Variants in C2CD3 observed in about 807,000 individuals in gnomAD.
C2CD3 encodes C2 domain-containing protein 3.
A neutral mutation model predicts 234.0 loss-of-function variants in C2CD3; 148 were observed. That is an observed-to-expected ratio of 0.63 (90% CI 0.55 to 0.72). C2CD3 has a LOEUF of 0.72. Among genes scored for constraint, C2CD3 ranks in the 30% least tolerant of loss-of-function variants. C2CD3 has a pLI of 0.00. For synonymous variants in C2CD3, 1,000 were observed against 1,035.4 expected (o/e 0.97, Z 0.66); for missense variants, 2,577 against 2,811.5 (o/e 0.92, Z 1.89).
chr11:74,152,252 A>G (rs1257509068), intron 3 of C2CD3, among the ~76,000 whole-genome samples: 1 of 152,246 alleles, frequency 6.6e-6, no homozygotes, highest in Non-Finnish European at 1.5e-5. Context: ...TTAAAGACAG[A>G]AAAGGGATGT....
Position 74,057,469 on chromosome 11 carries a change from G to GT in C2CD3, c.5026_5027insA (p.Pro1676HisfsTer8). On this transcript the variant is annotated frameshift_variant, in exon 25 of 33. Transcript: ENST00000334126. LOFTEE classifies it high-confidence loss of function. The stretch of plus-strand genomic sequence containing the variant: ...GTTTTCAACCACTTGGGTGTATACA[G>GT]GAGATGACTCATCGGCTGTTGCAAA... 1 of 1,614,142 alleles carries GT rather than the reference G, an allele frequency of 6.2e-7. No homozygotes were observed. The highest frequency in any genetic ancestry group is 8.5e-7 in the Non-Finnish European group (1 of 1,179,964).
At chr11:74,100,407 G>GGAAAAAAAA in intron 15 of C2CD3, 118 bp downstream of exon 15, 1 of 938,790 alleles carries the variant, frequency 1.1e-6, no homozygotes, top group Non-Finnish European at 1.6e-6. Flanking sequence ...GTTGAAACTG[G>GGAAAAAAAA]AAAAAGTCCT....
intron 3 of C2CD3, among the ~76,000 whole-genome samples, chr11:74,141,342 A>C (rs7110734): frequency 0.28 from 43,082 of 152,114 alleles, 7,115 homozygotes; most frequent in African/African-American, 0.46. Context: ...GATGAATACT[A>C]TGTGCAGTGA....
intron 29 of C2CD3, among the ~76,000 whole-genome samples, chr11:74,041,488 C>T (rs1186086533): frequency 6.6e-6 from 1 of 152,108 alleles, no homozygotes; most frequent in African/African-American, 2.4e-5. Flanking sequence ...TCTTACTACC[C>T]TGCATTATAA....
chr11:74,113,742 A>G (rs200167637), intron 11 of C2CD3, 38 bp downstream of exon 11: 3 of 1,199,900 alleles, frequency 2.5e-6, no homozygotes, highest in East Asian at 4.6e-5. Context: ...TTCCAAAGTC[A>G]GAATGTCTAA....
At chr11:74,153,076 A>G (rs1855770213) in intron 3 of C2CD3, among the ~76,000 whole-genome samples, 1 of 152,054 alleles carries the variant, frequency 6.6e-6, no homozygotes, top group African/African-American at 2.4e-5. Context: ...AAATTTTAAA[A>G]AACAGTTAGC....
At chr11:74,092,301 C>T (rs1161619642) in intron 19 of C2CD3, 115 bp downstream of exon 19, 9 of 874,924 alleles carry the variant, frequency 1.0e-5, no homozygotes, top group African/African-American at 5.2e-5. Context: ...GTGATCCACC[C>T]GCCTTGGCTT....
At position 74,049,447 on chromosome 11, in the gene C2CD3, T is replaced by C. The variant is rs368811322; in HGVS notation, c.5251A>G (p.Ser1751Gly). ...VCGWYNITDF[S>G]GECQGQIKVA... The stretch of plus-strand genomic sequence containing the variant: ...TTTATCTGCCCCTGGCACTCTCCAC[T>C]GAAGTCTGTGATGTTGTACCAGCCA... Residue 1751 changes from serine (S) to glycine (G), a missense_variant, in exon 27 of 33, where the codon AGT (serine) becomes GGT (glycine). Transcript: ENST00000334126. 1.2e-6 allele frequency: 2 copies of C among 1,613,776 alleles called. No homozygotes were observed. Among genetic ancestry groups the C allele is most frequent in the Non-Finnish European group, 1.7e-6 (2 of 1,179,974 alleles).
chr11:74,110,011 G>C (rs1956686732), intron 11 of C2CD3, among the ~76,000 whole-genome samples: 1 of 146,642 alleles, frequency 6.8e-6, no homozygotes, highest in Admixed American at 6.6e-5. Context: ...AACCGGGGAA[G>C]CAGAGCTTGC....
intron 30 of C2CD3, 166 bp from the exon 31 acceptor site, chr11:74,034,444 C>T (rs1952640964): frequency 2.6e-6 from 4 of 1,539,262 alleles, no homozygotes; most frequent in Non-Finnish European, 3.5e-6. Flanking sequence ...CAAGGCGGTA[C>T]AATTTTTAGT....
chr11:74,138,467 C>G (rs926814335), intron 5 of C2CD3, among the ~76,000 whole-genome samples: 1 of 152,188 alleles, frequency 6.6e-6, no homozygotes, highest in Admixed American at 6.5e-5. Context: ...GTTTTCCCCT[C>G]ATATCCAATT....
intron 3 of C2CD3, among the ~76,000 whole-genome samples, chr11:74,160,142 T>C (rs1856356616): frequency 6.6e-6 from 1 of 152,204 alleles, no homozygotes; most frequent in Non-Finnish European, 1.5e-5. Context: ...TAGTAGGCTA[T>C]ACCATTTAGG....
Position 74,013,383 on chromosome 11 carries a change from C to G in C2CD3, c.*2G>C. On this transcript the variant is annotated 3_prime_UTR_variant, in exon 33 of 33. Coordinates refer to ENST00000334126, the MANE Select transcript of C2CD3 (RefSeq NM_001286577.2). ...TCCTTCCCCCCAGCCCCTCAGGCTGCGTCAGTCTTTCTGGGAGTACTGAGA... is the reference window on the plus strand; with the variant it reads ...TCCTTCCCCCCAGCCCCTCAGGCTGGGTCAGTCTTTCTGGGAGTACTGAGA... 1 of 997,078 alleles carries G rather than the reference C, an allele frequency of 1.0e-6. No individual in the cohort carries two copies. The highest frequency in any genetic ancestry group is 1.4e-6 in the Non-Finnish European group (1 of 731,612). 61.8% of individuals were successfully genotyped at this position (997,078 alleles called of 1,614,324 possible).
In C2CD3 at chr11:74,146,123, A is replaced by AT. The variant is rs529489628; in HGVS notation, c.484-6296dup. Among the ~76,000 whole-genome samples, 129 of 152,314 alleles carry AT rather than the reference A, an allele frequency of 8.5e-4. 1 individual carries two copies. Among genetic ancestry groups the AT allele is most frequent in the African/African-American group, 2.9e-3 (122 of 41,580 alleles). On this transcript the variant is annotated intron_variant, in intron 3 of 32. Transcript: ENST00000334126. ...ACAGAAAGTACACATTTAAACTGTT[A>AT]TTTTTTTAAGTAAATAATGAGTGGT...
intron 14 of C2CD3, among the ~76,000 whole-genome samples, chr11:74,101,729 T>C (rs1355313806): frequency 6.6e-6 from 1 of 150,908 alleles, no homozygotes; most frequent in African/African-American, 2.4e-5. Flanking sequence ...AGAGCACATA[T>C]GAAGATACAG....
chr11:74,121,076 A>G (rs1957195886), intron 8 of C2CD3, among the ~76,000 whole-genome samples: 1 of 151,960 alleles, frequency 6.6e-6, no homozygotes, highest in Non-Finnish European at 1.5e-5. Flanking sequence ...TCCAGTGGGT[A>G]AAGGGTATAA....
chr11:74,052,038 T>C (rs928058122), intron 26 of C2CD3, among the ~76,000 whole-genome samples: 1 of 152,112 alleles, frequency 6.6e-6, no homozygotes, highest in African/African-American at 2.4e-5. Flanking sequence ...CCTTGAGCAG[T>C]AGGATATAAA....
chr11:74,139,209 A>G (rs910871053), intron 4 of C2CD3, among the ~76,000 whole-genome samples: 8 of 152,234 alleles, frequency 5.3e-5, no homozygotes, highest in African/African-American at 1.7e-4. Flanking sequence ...CGAAGAGCTC[A>G]GCAGAGCCTG....
intron 28 of C2CD3, among the ~76,000 whole-genome samples, chr11:74,047,006 A>T (rs1405077060): frequency 1.3e-5 from 2 of 152,228 alleles, no homozygotes; most frequent in Non-Finnish European, 2.9e-5. Flanking sequence ...CCCTTGAGGT[A>T]CTATATTATT....
Sources: allele counts gnomAD v4.1 joint callset (sites outside exome capture counted in the v4.1 genomes callset), GRCh38; gene constraint gnomAD v4.1.1; transcripts MANE v1.5; gene names NCBI Gene and HGNC (gene_info 2026-07-23, HGNC 2026-07-21).